TGM5: variants seen among roughly 807,000 people sequenced by gnomAD.
TGM5 encodes transglutaminase 5, also known as protein-glutamine gamma-glutamyltransferase 5.
In TGM5, 69 loss-of-function variants were observed where a neutral mutation model predicts 77.2. The observed-to-expected ratio is 0.89, with a 90% CI of 0.74 to 1.09. The LOEUF is 1.09. TGM5 is among the 50% of genes least tolerant of loss of function. The pLI, the probability that TGM5 is intolerant of heterozygous loss-of-function variation, is 0.00. For synonymous variants in TGM5, 346 were observed against 351.8 expected (o/e 0.98, Z 0.18); for missense variants, 842 against 896.5 (o/e 0.94, Z 0.78).
At chr15:43,241,693 CA>C (rs1441301923) in intron 6 of TGM5, among the ~76,000 whole-genome samples, 1 of 151,804 alleles carries the variant, frequency 6.6e-6, no homozygotes, top group Non-Finnish European at 1.5e-5. Flanking sequence ...TTTTTGAAGT[CA>C]AAAAAATCGC....
chr15:43,241,437 G>A (rs2042635431), intron 6 of TGM5, among the ~76,000 whole-genome samples: 1 of 152,140 alleles, frequency 6.6e-6, no homozygotes, highest in Admixed American at 6.5e-5. Flanking sequence ...AATATTCTGT[G>A]GCTTTGATTC....
chr15:43,258,486 ACT>A (rs1056580397), intron 3 of TGM5, among the ~76,000 whole-genome samples: 38 of 152,190 alleles, frequency 2.5e-4, no homozygotes, highest in African/African-American at 8.9e-4. Flanking sequence ...CTGTCTGGAA[ACT>A]CTGTCTGACC....
At chr15:43,253,431 G>T in intron 5 of TGM5, 75 bp downstream of exon 5, 1 of 1,593,606 alleles carries the variant, frequency 6.3e-7, no homozygotes, top group Non-Finnish European at 8.5e-7. Flanking sequence ...TTCACCCACT[G>T]CAGGGGGCAA....
At chr15:43,240,082 C>T (rs1039027735) in intron 7 of TGM5, among the ~76,000 whole-genome samples, 1 of 152,146 alleles carries the variant, frequency 6.6e-6, no homozygotes, top group African/African-American at 2.4e-5. Context: ...AAACCAGAAC[C>T]CCTTTTCCCC....
intron 12 of TGM5, 83 bp downstream of exon 12, chr15:43,233,471 G>A (rs2042562109): frequency 6.2e-7 from 1 of 1,612,788 alleles, no homozygotes; most frequent in Non-Finnish European, 8.5e-7. Context: ...TGTGGAGTCT[G>A]GCTCAGGAAC....
At chr15:43,235,080 G>C (rs1035974541) in intron 10 of TGM5, 151 bp from the exon 11 acceptor site, 1 of 973,702 alleles carries the variant, frequency 1.0e-6, no homozygotes, top group Non-Finnish European at 1.5e-6. Context: ...GAGGAAATGA[G>C]CTGAAAAGAG....
At chr15:43,249,140 C>T (rs1196211213) in intron 6 of TGM5, among the ~76,000 whole-genome samples, 2 of 152,154 alleles carry the variant, frequency 1.3e-5, no homozygotes, top group Non-Finnish European at 2.9e-5. Flanking sequence ...TACGGTCACA[C>T]ATTAGTACCT....
At chr15:43,253,708 C>A (rs1288413813) in intron 4 of TGM5, 74 bp from the exon 5 acceptor site, 3 of 1,580,620 alleles carry the variant, frequency 1.9e-6, no homozygotes, top group Non-Finnish European at 2.6e-6. Context: ...AATGACTTCC[C>A]CCCAACCCTA....
chr15:43,239,414 G>T, intron 7 of TGM5, 148 bp from the exon 8 acceptor site: 1 of 762,898 alleles, frequency 1.3e-6, no homozygotes, highest in Middle Eastern at 3.4e-4. Context: ...AGGCACGATG[G>T]CTCATGCCAG....
intron 1 of TGM5, among the ~76,000 whole-genome samples, chr15:43,263,503 A>G (rs2042804069): frequency 6.6e-6 from 1 of 152,230 alleles, no homozygotes; most frequent in South Asian, 2.1e-4. Context: ...TCTAGCAAAA[A>G]ACTCCCATTT....
intron 7 of TGM5, 40 bp from the exon 8 acceptor site, chr15:43,239,306 G>A (rs765508789): frequency 6.3e-7 from 1 of 1,595,392 alleles, no homozygotes; most frequent in Non-Finnish European, 8.6e-7. Context: ...GTACTGCTTG[G>A]TCTTTCTAGA....
At chr15:43,263,346 A>G (rs1596453342) in intron 1 of TGM5, among the ~76,000 whole-genome samples, 1 of 152,362 alleles carries the variant, frequency 6.6e-6, no homozygotes, top group Middle Eastern at 3.4e-3. Context: ...AGTGGATCCT[A>G]AAATTCATAT....
chr15:43,235,756 G>C lies in TGM5; in HGVS notation c.1427C>G (p.Ala476Gly). ...TGTGGGCCTGGAAGGTTGCAACTCT[G>C]CTCCTCTTTGGGAGCCATGGAAGCT... ...ARSFHGSQRG[A>G]ELQPSRPTSL... Residue 476 changes from alanine to glycine, a missense_variant, in exon 10 of 13, where the codon GCA becomes GGA. This residue lies in a region of TGM5 where 815 missense variants were observed against 844.6 expected (regional missense o/e 0.96). Transcript: ENST00000220420. 6.2e-7 allele frequency: 1 copy of C among 1,614,192 alleles called. No individual in the cohort carries two copies. Among genetic ancestry groups the C allele is most frequent in the African/African-American group, 1.3e-5 (1 of 75,044 alleles).
intron 11 of TGM5, among the ~76,000 whole-genome samples, chr15:43,234,517 G>C (rs1312501797): frequency 6.6e-6 from 1 of 152,240 alleles, no homozygotes; most frequent in African/African-American, 2.4e-5. Context: ...CCAACAGCAG[G>C]AGGGGCACAA....
intron 7 of TGM5, 118 bp downstream of exon 7, chr15:43,240,734 G>A: frequency 7.6e-7 from 1 of 1,317,148 alleles, no homozygotes; most frequent in Non-Finnish European, 1.1e-6. Flanking sequence ...GGGTGAGGGG[G>A]TGTGGAGGAG....
At chr15:43,233,971 C>G (rs754587474) in intron 11 of TGM5, among the ~76,000 whole-genome samples, 1 of 152,124 alleles carries the variant, frequency 6.6e-6, no homozygotes, top group Non-Finnish European at 1.5e-5. Context: ...GCCTTCAGAC[C>G]TTTACGAGCC....
At chr15:43,266,053 C>G (rs1385508248) in intron 1 of TGM5, among the ~76,000 whole-genome samples, 1 of 152,176 alleles carries the variant, frequency 6.6e-6, no homozygotes, top group Non-Finnish European at 1.5e-5. Flanking sequence ...AGACAGGTAA[C>G]AGTGTTTACT....
chr15:43,251,229 C>G (rs1383243430), intron 6 of TGM5, among the ~76,000 whole-genome samples: 3 of 152,042 alleles, frequency 2.0e-5, no homozygotes. Context: ...TCATCCAACT[C>G]AACTCATCCA....
At chr15:43,243,383 G>A (rs2042651612) in intron 6 of TGM5, among the ~76,000 whole-genome samples, 1 of 152,220 alleles carries the variant, frequency 6.6e-6, no homozygotes, top group Non-Finnish European at 1.5e-5. Flanking sequence ...TGGGTACCAA[G>A]CTCAACTGTC....
Sources: gnomAD v4.1 joint callset for allele counts (sites outside exome capture counted in the v4.1 genomes callset) on GRCh38, gnomAD v4.1.1 for gene constraint, gnomAD v4.1.1 regional missense constraint, MANE v1.5 for transcripts, NCBI Gene and HGNC (gene_info 2026-07-23, HGNC 2026-07-21) for gene names.